The following RBFOX1 variants were observed in gnomAD, a reference collection of about 807,000 sequenced individuals.
The protein encoded by RBFOX1 is RNA binding fox-1 homolog 1, also known as RNA binding protein fox-1 homolog 1.
In RBFOX1, 8 loss-of-function variants were observed where a neutral mutation model predicts 57.7. The observed-to-expected ratio is 0.14, with a 90% confidence interval of 0.08 to 0.25. The LOEUF is 0.25. Among genes scored for constraint, RBFOX1 ranks in the 10% least tolerant of loss-of-function variants. RBFOX1 has a pLI of 1.00. For missense variants in RBFOX1, 611 were observed against 548.5 expected (o/e 1.11, Z -1.14); for synonymous variants, 326 against 222.4 (o/e 1.47, Z -4.15).
intron 3 of RBFOX1, among the ~76,000 whole-genome samples, chr16:5,727,945 C>T (rs2052215654): frequency 6.6e-6 from 1 of 152,204 alleles, no homozygotes; most frequent in Non-Finnish European, 1.5e-5. Context: ...CCTTGGCCTC[C>T]CAAAGTTCTG....
intron 3 of RBFOX1, among the ~76,000 whole-genome samples, chr16:6,764,699 G>T (rs141237657): frequency 5.3e-4 from 81 of 152,278 alleles, no homozygotes; most frequent in African/African-American, 1.9e-3. Context: ...CACTTTTGGA[G>T]GCTGAGGCGG....
chr16:7,220,361 A>G (rs1324846389), intron 4 of RBFOX1, among the ~76,000 whole-genome samples: 2 of 152,206 alleles, frequency 1.3e-5, no homozygotes, highest in African/African-American at 2.4e-5. Context: ...CATGGCCCCA[A>G]GTATAGGACA....
intron 2 of RBFOX1, among the ~76,000 whole-genome samples, chr16:6,607,284 G>C (rs1203422404): frequency 6.6e-6 from 1 of 152,156 alleles, no homozygotes; most frequent in Non-Finnish European, 1.5e-5. Flanking sequence ...TAAAAGGGAA[G>C]AGAAATGTCA....
At chr16:5,595,900 A>G (rs1177133081) in intron 2 of RBFOX1, among the ~76,000 whole-genome samples, 2 of 152,184 alleles carry the variant, frequency 1.3e-5, no homozygotes, top group African/African-American at 4.8e-5. Context: ...GTTCCAGGGT[A>G]TGGAGAGGTG....
At chr16:5,574,094 A>G (rs751352466) in intron 2 of RBFOX1, among the ~76,000 whole-genome samples, 1 of 152,232 alleles carries the variant, frequency 6.6e-6, no homozygotes, top group Non-Finnish European at 1.5e-5. Flanking sequence ...TTTTGGTGGA[A>G]GGTGGAGTAA....
In RBFOX1 at chr16:5,758,485, C is replaced by T. The variant is rs192795627; in HGVS notation, c.319-108818C>T. Among the ~76,000 whole-genome samples the T allele has an allele frequency of 5.3e-5, 8 of 152,282 alleles. No homozygotes were observed. The South Asian group carries it at 1.2e-3, about 24-fold the overall frequency. ...CCAAAGCGCAGCACAGTGGCCCTGT[C>T]TGTTGGATGAGAGCATTGCTTGGTG... On this transcript the variant is annotated intron_variant, in intron 3 of 19. Coordinates refer to the RBFOX1 transcript ENST00000641259.
intron 4 of RBFOX1, among the ~76,000 whole-genome samples, chr16:5,910,966 A>G (rs1272632237): frequency 3.3e-5 from 5 of 152,148 alleles, no homozygotes; most frequent in African/African-American, 9.6e-5. Context: ...AGCTTCGTTT[A>G]CCCAGAGTGG....
intron 4 of RBFOX1, among the ~76,000 whole-genome samples, chr16:7,278,219 C>T (rs1954521181): frequency 6.6e-6 from 1 of 152,126 alleles, no homozygotes; most frequent in African/African-American, 2.4e-5. Flanking sequence ...AACAAATTAA[C>T]CAGTTGCAAA....
chr16:5,826,616 C>T (rs1459258656), intron 3 of RBFOX1, among the ~76,000 whole-genome samples: 4 of 152,192 alleles, frequency 2.6e-5, no homozygotes, highest in African/African-American at 9.6e-5. Context: ...ATTTGGCTTG[C>T]AGGCAATAGT....
chr16:7,683,513 C>G (rs946966150), intron 14 of RBFOX1, among the ~76,000 whole-genome samples: 1 of 152,036 alleles, frequency 6.6e-6, no homozygotes, highest in South Asian at 2.1e-4. Flanking sequence ...GACTGGACCA[C>G]CAAGGAGTTG....
chr16:6,171,462 C>T (rs921563633), intron 1 of RBFOX1, among the ~76,000 whole-genome samples: 7 of 152,182 alleles, frequency 4.6e-5, no homozygotes, highest in African/African-American at 1.7e-4. Context: ...TCAACAGTGC[C>T]ACAGCCTAAA....
chr16:7,519,799 A>G (rs2152224054), intron 5 of RBFOX1: 1 of 836,870 alleles, frequency 1.2e-6, no homozygotes, highest in Admixed American at 6.2e-5. Flanking sequence ...AGCATGATAC[A>G]TTTCCTGTGA....
intron 4 of RBFOX1, among the ~76,000 whole-genome samples, chr16:7,411,976 C>A (rs8049793): frequency 0.82 from 122,562 of 150,026 alleles, 50,186 homozygotes; most frequent in South Asian, 0.86. Context: ...TTCAGAGTCA[C>A]GGCCGCCCAG....
At chr16:7,494,845 T>TC (rs1279249410) in intron 4 of RBFOX1, among the ~76,000 whole-genome samples, 2 of 150,974 alleles carry the variant, frequency 1.3e-5, no homozygotes, top group African/African-American at 4.9e-5. Flanking sequence ...TTTTTTTTTT[T>TC]TTTTGCACTA....
At chr16:7,567,168 T>TCC in intron 5 of RBFOX1, among the ~76,000 whole-genome samples, 1 of 146,790 alleles carries the variant, frequency 6.8e-6, no homozygotes, top group Non-Finnish European at 1.5e-5. Context: ...TATATCCATA[T>TCC]ATATATCCCT....
intron 2 of RBFOX1, among the ~76,000 whole-genome samples, chr16:6,555,212 C>T (rs17140584): frequency 0.096 from 14,615 of 152,146 alleles, 1,795 homozygotes; most frequent in African/African-American, 0.29. Context: ...ATGTTCCCTG[C>T]ATTCCATATC....
chr16:6,648,727 G>A (rs1437592831), intron 2 of RBFOX1, among the ~76,000 whole-genome samples: 2 of 152,180 alleles, frequency 1.3e-5, no homozygotes, highest in African/African-American at 4.8e-5. Context: ...CACCTGGTCA[G>A]AACAGGCAGA....
chr16:6,162,658 G>C (rs1376111945), intron 1 of RBFOX1, among the ~76,000 whole-genome samples: 2 of 152,160 alleles, frequency 1.3e-5, no homozygotes. Context: ...CCCAAAGAAA[G>C]TTCATAATGT....
At chr16:5,867,914 G>A (rs1285210149) in intron 4 of RBFOX1, among the ~76,000 whole-genome samples, 3 of 152,080 alleles carry the variant, frequency 2.0e-5, no homozygotes, top group Admixed American at 6.5e-5. Context: ...GTTTCACCAT[G>A]TTGACCAAGC....
Sources: gnomAD v4.1 joint callset for allele counts (sites outside exome capture counted in the v4.1 genomes callset) on GRCh38, gnomAD v4.1.1 for gene constraint, MANE v1.5 for transcripts, NCBI Gene and HGNC (gene_info 2026-07-23, HGNC 2026-07-21) for gene names.